The following ELAVL2 variants were observed in gnomAD, a reference collection of about 807,000 sequenced individuals.
The protein encoded by ELAVL2 is ELAV like RNA binding protein 2.
A neutral mutation model predicts 34.6 loss-of-function variants in ELAVL2; 4 were observed. The ratio of observed to expected loss-of-function variants is 0.12; its 90% CI spans 0.06 to 0.26. The LOEUF is 0.26. ELAVL2 is among the 10% of genes least tolerant of loss of function. ELAVL2 has a pLI of 1.00. For synonymous variants in ELAVL2, 193 were observed against 154.8 expected (o/e 1.25, Z -1.83); for missense variants, 432 against 442.8 (o/e 0.98, Z 0.22).
At chr9:23,803,679 C>A (rs1431020759) in intron 1 of ELAVL2, among the ~76,000 whole-genome samples, 4 of 150,454 alleles carry the variant, frequency 2.7e-5, no homozygotes, top group African/African-American at 9.7e-5. Flanking sequence ...TTCCAATAAT[C>A]AAAACTTTTT....
chr9:23,841,003 C>G, the ELAVL2 span, among the ~76,000 whole-genome samples: 2 of 152,116 alleles, frequency 1.3e-5, no homozygotes, highest in Non-Finnish European at 2.9e-5. Flanking sequence ...AACAGAAACA[C>G]GTGCATTTTC....
the ELAVL2 span, among the ~76,000 whole-genome samples, chr9:23,837,541 A>G: frequency 1.3e-5 from 2 of 152,178 alleles, no homozygotes; most frequent in South Asian, 4.1e-4. Flanking sequence ...AGATAAGGAA[A>G]CTGAGGAAGT....
chr9:23,796,160 A>C (rs1289328263), intron 1 of ELAVL2, among the ~76,000 whole-genome samples: 1 of 152,200 alleles, frequency 6.6e-6, no homozygotes, highest in Non-Finnish European at 1.5e-5. Flanking sequence ...TCCTACTATA[A>C]AACACTAGAG....
At chr9:23,699,194 C>G (rs2036297403) in intron 5 of ELAVL2, among the ~76,000 whole-genome samples, 1 of 152,054 alleles carries the variant, frequency 6.6e-6, no homozygotes. Flanking sequence ...CTTTACTCAA[C>G]CAAAAATAAA....
chr9:23,820,753 C>A (rs1384088300), intron 1 of ELAVL2, among the ~76,000 whole-genome samples: 1 of 152,194 alleles, frequency 6.6e-6, no homozygotes, highest in African/African-American at 2.4e-5. Context: ...CCCCGGCCGC[C>A]GCTGGCAGGC....
chr9:23,704,151 T>TTTTTTTTTTTTTTTTTTTTTTTTGA (rs1473637219), intron 4 of ELAVL2, among the ~76,000 whole-genome samples: 101 of 151,752 alleles, frequency 6.7e-4, no homozygotes, highest in Middle Eastern at 3.4e-3. Context: ...ACGCTGGTCT[T>TTTTTTTTTTTTTTTTTTTTTTTTGA]GAACTCCCAG....
At chr9:23,754,166 G>C (rs988201763) in intron 2 of ELAVL2, among the ~76,000 whole-genome samples, 3 of 151,732 alleles carry the variant, frequency 2.0e-5, no homozygotes, top group Non-Finnish European at 4.4e-5. Flanking sequence ...TATTCTAACG[G>C]AACAAAATAC....
the ELAVL2 span, among the ~76,000 whole-genome samples, chr9:23,846,999 G>T: frequency 3.9e-5 from 6 of 151,998 alleles, no homozygotes; most frequent in Admixed American, 3.9e-4. Flanking sequence ...CAGTTTCTAG[G>T]TGAAATAAAA....
intron 3 of ELAVL2, among the ~76,000 whole-genome samples, chr9:23,720,298 G>A (rs542131039): frequency 5.9e-5 from 9 of 151,814 alleles, no homozygotes; most frequent in South Asian, 2.1e-4. Flanking sequence ...CTCAGCCTCC[G>A]GAGTAGCTGG....
chr9:23,715,994 A>C (rs2042195910), intron 3 of ELAVL2, among the ~76,000 whole-genome samples: 2 of 152,188 alleles, frequency 1.3e-5, no homozygotes, highest in African/African-American at 4.8e-5. Flanking sequence ...GAAAAGGAGA[A>C]GTGGATAAGA....
At chr9:23,717,339 G>T (rs955230816) in intron 3 of ELAVL2, among the ~76,000 whole-genome samples, 2 of 152,072 alleles carry the variant, frequency 1.3e-5, no homozygotes, top group Non-Finnish European at 2.9e-5. Flanking sequence ...ATGTTTCTAC[G>T]AGCAAATTAC....
intron 2 of ELAVL2, among the ~76,000 whole-genome samples, chr9:23,746,806 T>C (rs925236934): frequency 1.4e-5 from 2 of 147,866 alleles, no homozygotes; most frequent in African/African-American, 5.0e-5. Flanking sequence ...AGTCTTTCCA[T>C]GTAAACTGAA....
At chr9:23,791,134 A>G (rs1401314016) in intron 1 of ELAVL2, among the ~76,000 whole-genome samples, 2 of 152,244 alleles carry the variant, frequency 1.3e-5, no homozygotes, top group East Asian at 1.9e-4. Context: ...AATCAATTGT[A>G]TATCAATTGT....
chr9:23,704,868 T>C (rs1394312446), intron 4 of ELAVL2, 50 bp downstream of exon 4: 3 of 1,599,814 alleles, frequency 1.9e-6, no homozygotes, highest in Non-Finnish European at 8.5e-7. Context: ...TATTTCACAA[T>C]CTGCTAGTCA....
the ELAVL2 span, among the ~76,000 whole-genome samples, chr9:23,835,388 T>C: frequency 6.6e-6 from 1 of 152,220 alleles, no homozygotes; most frequent in Admixed American, 6.5e-5. Flanking sequence ...CCAGTTCCAA[T>C]CTACTTATCA....
At position 23,785,828 on chromosome 9, in the gene ELAVL2, T is replaced by C. The variant is rs200157614; in HGVS notation, c.-15-23579A>G. Among the ~76,000 whole-genome samples the C allele has an allele frequency of 5.1e-4, 78 of 152,336 alleles. 1 individual carries two copies. Among genetic ancestry groups the C allele is most frequent in the African/African-American group, 1.8e-3 (76 of 41,584 alleles). On this transcript the variant is annotated intron_variant, in intron 1 of 6. Coordinates refer to ENST00000397312, the MANE Select transcript of ELAVL2 (RefSeq NM_004432.5). ...TGGGAAAAGTAGTTGATCGGTTTGA[T>C]AGAGGAAGAGACACTGGGTCCCACT... is the stretch of plus-strand genomic sequence containing the variant.
intron 1 of ELAVL2, among the ~76,000 whole-genome samples, chr9:23,797,041 A>G (rs1418454030): frequency 1.3e-5 from 2 of 152,180 alleles, no homozygotes; most frequent in Non-Finnish European, 1.5e-5. Flanking sequence ...AATTTAGCTA[A>G]ATGGACACAG....
intron 2 of ELAVL2, among the ~76,000 whole-genome samples, chr9:23,743,644 T>C (rs1382210030): frequency 6.6e-6 from 1 of 152,192 alleles, no homozygotes; most frequent in African/African-American, 2.4e-5. Context: ...TCTGGATACA[T>C]CTTTCCTATG....
intron 1 of ELAVL2, among the ~76,000 whole-genome samples, chr9:23,799,810 C>A (rs2061374247): frequency 6.6e-6 from 1 of 152,112 alleles, no homozygotes; most frequent in African/African-American, 2.4e-5. Flanking sequence ...AATTAGAAAA[C>A]CCTGAAAGGG....
Sources: allele counts gnomAD v4.1 joint callset (sites outside exome capture counted in the v4.1 genomes callset), GRCh38; gene constraint gnomAD v4.1.1; transcripts MANE v1.5; gene names NCBI Gene and HGNC (gene_info 2026-07-23, HGNC 2026-07-21).